Variants in PEX26 observed in about 807,000 individuals in gnomAD.
The protein encoded by PEX26 is peroxisomal biogenesis factor 26, also known as peroxisome assembly protein 26.
A neutral mutation model predicts 31.4 loss-of-function variants in PEX26; 18 were observed. The observed-to-expected ratio is 0.57, with a 90% confidence interval of 0.40 to 0.85. The LOEUF is 0.85. Among genes scored for constraint, PEX26 ranks in the 40% least tolerant of loss-of-function variants. PEX26 has a pLI of 0.00. For missense variants in PEX26, 377 were observed against 383.9 expected (o/e 0.98, Z 0.15); for synonymous variants, 176 against 166.9 (o/e 1.05, Z -0.42).
In PEX26 at chr22:18,083,605, A is replaced by C. The variant is rs374381444; in HGVS notation, c.540A>C (p.Leu180=). ...PLGCLSEAEE[L]VVGSAAFGEE... is the part of the protein sequence containing the mutation. ...GCTGCTTATCGGAGGCTGAGGAGCT[A>C]GTGGTGGGCTCTGCAGCCTTTGGTG... is the stretch of plus-strand genomic sequence containing the variant. Residue 180 remains leucine, a synonymous_variant, in exon 3 of 5, where the codon CTA becomes CTC. Transcript: ENST00000399744. 1 of 1,614,028 alleles carries C rather than the reference A, an allele frequency of 6.2e-7. No homozygotes were observed. The highest frequency in any genetic ancestry group is 8.5e-7 in the Non-Finnish European group (1 of 1,179,966).
In PEX26 at chr22:18,093,156, T is replaced by A. The variant is rs1456575242; in HGVS notation, c.*5081T>A. 6.6e-6 allele frequency: 1 copy of A among 152,102 alleles called. No homozygotes were observed. Among genetic ancestry groups the A allele is most frequent in the Non-Finnish European group, 1.5e-5 (1 of 68,024 alleles). 9.4% of individuals were successfully genotyped at this position (152,102 alleles called of 1,614,324 possible). On this transcript the variant is annotated 3_prime_UTR_variant, in exon 5 of 5. Coordinates refer to ENST00000399744, the MANE Select transcript of PEX26 (RefSeq NM_001127649.3). ...ATACAGAGACTGGGATATGTAAAAA[T>A]TAAGTATCACAAAAGACCATCACAC...
chr22:18,082,447 ATT>A (rs1482765755), intron 2 of PEX26, among the ~76,000 whole-genome samples: 1 of 152,196 alleles, frequency 6.6e-6, no homozygotes, highest in African/African-American at 2.4e-5. Flanking sequence ...TCCCAGCACC[ATT>A]TATTAAAGAG....
At chr22:18,084,184 T>C (rs1351232474) in intron 3 of PEX26, among the ~76,000 whole-genome samples, 1 of 151,886 alleles carries the variant, frequency 6.6e-6, no homozygotes, top group Non-Finnish European at 1.5e-5. Context: ...CCTTGAGTGA[T>C]GATCTAGTCT....
rs1299046429 is a variant in PEX26, at chr22:18,078,333, T to C, written c.-44T>C. ...TATCCCGGAGCCTCTGGGGAGGCGG[T>C]CACTCCGACGTCTGAGGACCTGGGC... On this transcript the variant is annotated 5_prime_UTR_variant, in exon 1 of 5. Transcript: ENST00000399744. The C allele has an allele frequency of 4.2e-6, 6 of 1,415,714 alleles. No homozygotes were observed. Among genetic ancestry groups the C allele is most frequent in the Non-Finnish European group, 5.9e-6 (6 of 1,015,080 alleles). The allele number at this position is 1,415,714 out of a possible 1,614,324, so 87.7% of individuals were successfully genotyped here. A position where few individuals can be genotyped will look rare whatever the true frequency, so the allele number is the denominator to read the frequency against.
chr22:18,082,909 C>T (rs922289381), intron 2 of PEX26, among the ~76,000 whole-genome samples: 6 of 152,216 alleles, frequency 3.9e-5, no homozygotes, highest in African/African-American at 1.4e-4. Flanking sequence ...GATCTTTTGC[C>T]AGCTTGGTTT....
At chr22:18,078,941 C>A (rs1314077786) in intron 1 of PEX26, 11 of 453,230 alleles carry the variant, frequency 2.4e-5, no homozygotes, top group Non-Finnish European at 4.2e-5. Context: ...CCGCCCTCCC[C>A]GCCCCGCCCA....
At chr22:18,084,207 T>C (rs1926736908) in intron 3 of PEX26, among the ~76,000 whole-genome samples, 1 of 151,248 alleles carries the variant, frequency 6.6e-6, no homozygotes, top group Non-Finnish European at 1.5e-5. Context: ...TTGTGAATAC[T>C]TCAAGGACAG....
In PEX26 at chr22:18,103,092, C is replaced by CAAAAAAAAA. The variant is rs361772; in HGVS notation, c.*15029_*15037dup. On this transcript the variant is annotated 3_prime_UTR_variant, in exon 5 of 5. Transcript: ENST00000399744. ...TGGGCGACAGTGTGCGACTGCATCT[C>CAAAAAAAAA]AAAAAAAAAAAAAAAAAAAAGGCAT... is the stretch of plus-strand genomic sequence containing the variant. 4.6e-5 allele frequency: 4 copies of CAAAAAAAAA among 87,756 alleles called. 1 individual carries two copies. The allele number at this position is 87,756 out of a possible 1,614,324, so 5.4% of individuals were successfully genotyped here. A position where few individuals can be genotyped will look rare whatever the true frequency, so the allele number is the denominator to read the frequency against.
At position 18,088,262 on chromosome 22, in the gene PEX26, G is replaced by A. The variant is rs970668767; in HGVS notation, c.*187G>A. The A allele has an allele frequency of 1.4e-6, 1 of 695,204 alleles. No individual in the cohort carries two copies. Among genetic ancestry groups the A allele is most frequent in the Non-Finnish European group, 2.6e-6 (1 of 379,180 alleles). 43.1% of individuals were successfully genotyped at this position (695,204 alleles called of 1,614,324 possible). A position where few individuals can be genotyped will look rare whatever the true frequency, so the allele number is the denominator to read the frequency against. On this transcript the variant is annotated 3_prime_UTR_variant, in exon 5 of 5. Coordinates refer to ENST00000399744, the MANE Select transcript of PEX26 (RefSeq NM_001127649.3). The surrounding 1 kb of genome is among the most constrained non-coding windows in gnomAD (Gnocchi z 4.1). The stretch of plus-strand genomic sequence containing the variant: ...ACTTCGGCTGGTCGCGGTAGATGAT[G>A]TGGAAACAAAGCAGGACCAGCAGGC...
At position 18,098,607 on chromosome 22, in the gene PEX26, G is replaced by C. The variant is rs896375386; in HGVS notation, c.*10532G>C. The C allele has an allele frequency of 6.6e-6, 1 of 151,606 alleles. No homozygotes were observed. The highest frequency in any genetic ancestry group is 2.4e-5 in the African/African-American group (1 of 41,248). The allele number at this position is 151,606 out of a possible 1,614,324, so 9.4% of individuals were successfully genotyped here. On this transcript the variant is annotated 3_prime_UTR_variant, in exon 5 of 5. Coordinates refer to ENST00000399744, the MANE Select transcript of PEX26 (RefSeq NM_001127649.3). ...AGATCCTGCCACTGCACTCCAGTCT[G>C]GGCGACAGAGTGAGATTCTGTCTCA... is the stretch of plus-strand genomic sequence containing the variant.
At position 18,098,385 on chromosome 22, in the gene PEX26, G is replaced by A. The variant is rs1432185346; in HGVS notation, c.*10310G>A. On this transcript the variant is annotated 3_prime_UTR_variant, in exon 5 of 5. Transcript: ENST00000399744. ...GACAAAAATTATCTTCCTTGGCTGG[G>A]TGCGGTGGCTCATGCCTGCAATCCC... The A allele has an allele frequency of 1.3e-5, 2 of 151,924 alleles. No homozygotes were observed. Among genetic ancestry groups the A allele is most frequent in the Middle Eastern group, 3.4e-3 (1 of 294 alleles). 9.4% of individuals were successfully genotyped at this position (151,924 alleles called of 1,614,324 possible). A position where few individuals can be genotyped will look rare whatever the true frequency, so the allele number is the denominator to read the frequency against.
chr22:18,092,991 G>C lies in PEX26; in HGVS notation c.*4916G>C, dbSNP rs1208375202. 1 of 151,948 alleles carries C rather than the reference G, an allele frequency of 6.6e-6. No individual in the cohort carries two copies. Among genetic ancestry groups the C allele is most frequent in the African/African-American group, 2.4e-5 (1 of 41,350 alleles). 9.4% of individuals were successfully genotyped at this position (151,948 alleles called of 1,614,324 possible). ...AATGCCAACATGCTCAACAATAAAG[G>C]GTTCTTTTTCTTACTTTTTTAATAC... On this transcript the variant is annotated 3_prime_UTR_variant, in exon 5 of 5. Transcript: ENST00000399744.
chr22:18,085,034 G>A, intron 3 of PEX26, 78 bp from the exon 4 acceptor site: 1 of 1,537,414 alleles, frequency 6.5e-7, no homozygotes, highest in Non-Finnish European at 8.9e-7. Flanking sequence ...TCAGGTCTTA[G>A]AAGCAAGCAC....
intron 1 of PEX26, 109 bp downstream of exon 1, chr22:18,078,715 C>G (rs1166564462): frequency 1.0e-6 from 1 of 979,312 alleles, no homozygotes; most frequent in Non-Finnish European, 1.6e-6. Flanking sequence ...CTTTACACCT[C>G]GCTTTCATCA....
At position 18,094,831 on chromosome 22, in the gene PEX26, AGT is replaced by A. The variant is rs1927245002; in HGVS notation, c.*6758_*6759del. 2 of 146,590 alleles carry A rather than the reference AGT, an allele frequency of 1.4e-5. No homozygotes were observed. The highest frequency in any genetic ancestry group is 5.1e-5 in the African/African-American group (2 of 39,308). The allele number at this position is 146,590 out of a possible 1,614,324, so 9.1% of individuals were successfully genotyped here. On this transcript the variant is annotated 3_prime_UTR_variant, in exon 5 of 5. Transcript: ENST00000399744. The stretch of plus-strand genomic sequence containing the variant: ...ATCTTGCTCTTGTCACCTAGGCTGG[AGT>A]GCAGTGGTGCGATCTCGGCTCACTG...
rs1233143749 is a variant in PEX26 at position 18,093,544 on chromosome 22, C to G, written c.*5469C>G. On this transcript the variant is annotated 3_prime_UTR_variant, in exon 5 of 5. Transcript: ENST00000399744. ...CGCCACTGCACTCCAGCCTGGGGGA[C>G]AGAGCAAGACTCCGTCTTAAAAAAA... is the stretch of plus-strand genomic sequence containing the variant. 7.0e-6 allele frequency: 1 copy of G among 141,944 alleles called. No individual in the cohort carries two copies. The highest frequency in any genetic ancestry group is 2.6e-5 in the African/African-American group (1 of 38,140). The allele number at this position is 141,944 out of a possible 1,614,324, so 8.8% of individuals were successfully genotyped here. A position where few individuals can be genotyped will look rare whatever the true frequency, so the allele number is the denominator to read the frequency against.
chr22:18,084,961 T>C, intron 3 of PEX26, 151 bp from the exon 4 acceptor site: 1 of 721,678 alleles, frequency 1.4e-6, no homozygotes, highest in Non-Finnish European at 2.4e-6. Context: ...GACCTTGTGA[T>C]CCACCTGCCT....
intron 2 of PEX26, chr22:18,081,718 C>A: frequency 6.4e-6 from 1 of 157,264 alleles, no homozygotes; most frequent in South Asian, 1.5e-4. Flanking sequence ...ATGGCATTCT[C>A]TCAGCACTTG....
intron 4 of PEX26, among the ~76,000 whole-genome samples, chr22:18,087,013 A>T (rs574149805): frequency 1.1e-4 from 17 of 152,082 alleles, no homozygotes; most frequent in African/African-American, 4.1e-4. Flanking sequence ...CCTAGGCTCA[A>T]GCGATCTTCT....
Sources: allele counts gnomAD v4.1 joint callset (sites outside exome capture counted in the v4.1 genomes callset), GRCh38; gene constraint gnomAD v4.1.1; non-coding constraint Gnocchi (gnomAD v3.1); transcripts MANE v1.5; gene names NCBI Gene and HGNC (gene_info 2026-07-23, HGNC 2026-07-21).